Variants in TNIP3 observed in about 807,000 individuals in gnomAD.
TNIP3 encodes the protein TNFAIP3-interacting protein 3.
A neutral mutation model predicts 54.1 loss-of-function variants in TNIP3; 34 were observed. The ratio of observed to expected loss-of-function variants is 0.63; its 90% CI spans 0.48 to 0.84. TNIP3 has a LOEUF of 0.84. Ranked by LOEUF, TNIP3 falls within the 40% of genes least tolerant of loss-of-function variation. TNIP3 has a pLI of 0.00. For synonymous variants in TNIP3, 134 were observed against 136.8 expected, an observed-to-expected ratio of 0.98 and a Z score of 0.14; for missense variants, 366 against 387.6, an observed-to-expected ratio of 0.94 and a Z score of 0.47.
chr4:121,174,421 A>ATAC (rs915762543), intron 3 of TNIP3, among the ~76,000 whole-genome samples: 43 of 151,986 alleles, frequency 2.8e-4, no homozygotes, highest in African/African-American at 9.9e-4. Context: ...AATAATAATA[A>ATAC]TAAACAAAAT....
intron 1 of TNIP3, among the ~76,000 whole-genome samples, chr4:121,225,056 A>T (rs1401114398): frequency 6.6e-6 from 1 of 152,226 alleles, no homozygotes; most frequent in Admixed American, 6.5e-5. Context: ...GAAAGGGATC[A>T]TTTGCCTTCA....
chr4:121,206,549 T>TGTGTGTGTGTGTGTGA (rs61344205), intron 2 of TNIP3, among the ~76,000 whole-genome samples: 7 of 151,888 alleles, frequency 4.6e-5, no homozygotes, highest in Non-Finnish European at 8.8e-5. Context: ...TGTGTGTGTG[T>TGTGTGTGTGTGTGTGA]TTTATCTTTT....
At chr4:121,139,033 C>T (rs1728955486) in intron 9 of TNIP3, among the ~76,000 whole-genome samples, 1 of 152,140 alleles carries the variant, frequency 6.6e-6, no homozygotes, top group Admixed American at 6.5e-5. Context: ...TTAGCATCAA[C>T]AAATACTCTT....
intron 2 of TNIP3, among the ~76,000 whole-genome samples, chr4:121,202,164 A>G (rs1287896519): frequency 1.3e-5 from 2 of 152,204 alleles, no homozygotes; most frequent in African/African-American, 2.4e-5. Flanking sequence ...AAACTACACT[A>G]TAAGGCCATA....
At chr4:121,217,287 A>G (rs1726838488), upstream of TNIP3, among the ~76,000 whole-genome samples, 3 of 152,146 alleles carry the variant, frequency 2.0e-5, no homozygotes, top group South Asian at 6.2e-4. Flanking sequence ...CCCATCAGAA[A>G]ATTTAGGAGT....
intron 7 of TNIP3, among the ~76,000 whole-genome samples, chr4:121,144,351 C>T (rs994978098): frequency 6.6e-6 from 1 of 152,064 alleles, no homozygotes; most frequent in South Asian, 2.1e-4. Flanking sequence ...TATAAAATAC[C>T]TCTGAGCCAT....
chr4:121,169,839 T>C (rs1730972457), intron 3 of TNIP3, among the ~76,000 whole-genome samples: 2 of 152,238 alleles, frequency 1.3e-5, no homozygotes, highest in African/African-American at 2.4e-5. Flanking sequence ...TCCCGCCTGG[T>C]TGGAACTCTG....
rs573261547 is a variant in TNIP3 at position 121,216,081 on chromosome 4, T to C, written c.68+334A>G. Among the ~76,000 whole-genome samples, 23 of 152,258 alleles carry C rather than the reference T, an allele frequency of 1.5e-4. No homozygotes were observed. The South Asian group carries it at 4.8e-3, about 32-fold the overall frequency. ...AGATACAGCAACTCCTTCAACTTAC[T>C]GGTGGAATACAGTTGTTTCCTAGGA... On this transcript the variant is annotated intron_variant, in intron 2 of 12. Transcript: ENST00000507879.
At chr4:121,196,557 A>T (rs895961790) in intron 2 of TNIP3, among the ~76,000 whole-genome samples, 3 of 151,862 alleles carry the variant, frequency 2.0e-5, no homozygotes, top group Non-Finnish European at 4.4e-5. Context: ...AATTTGTCAC[A>T]TTTTTTTTAA....
chr4:121,183,892 G>A (rs112754359), intron 2 of TNIP3, among the ~76,000 whole-genome samples: 124 of 152,024 alleles, frequency 8.2e-4, no homozygotes, highest in African/African-American at 2.9e-3. Context: ...GGTGAGTTAT[G>A]TAATTATTTC....
At position 121,176,205 on chromosome 4, in the gene TNIP3, A is replaced by T. The variant is rs144680254; in HGVS notation, c.189+6471T>A. ...GAAAGATGCATGGCTCATTTAAATA[A>T]CTTCACCCATGTTGCCAGTAATGAG... On this transcript the variant is annotated intron_variant, in intron 3 of 12. Coordinates refer to the TNIP3 transcript ENST00000507879. Among the ~76,000 whole-genome samples, 373 of 152,340 alleles carry T rather than the reference A, an allele frequency of 2.4e-3. 1 individual carries two copies. Among genetic ancestry groups the T allele is most frequent in the African/African-American group, 8.5e-3 (352 of 41,580 alleles).
At chr4:121,186,769 T>C (rs1725045130) in intron 2 of TNIP3, among the ~76,000 whole-genome samples, 1 of 152,276 alleles carries the variant, frequency 6.6e-6, no homozygotes, top group Non-Finnish European at 1.5e-5. Flanking sequence ...ATAAATTTAG[T>C]ATACCACCAT....
At chr4:121,148,516 G>GT (rs1477037148) in intron 6 of TNIP3, among the ~76,000 whole-genome samples, 1 of 152,182 alleles carries the variant, frequency 6.6e-6, no homozygotes, top group African/African-American at 2.4e-5. Context: ...AGTGCTTTTG[G>GT]TTTTTGAAGA....
intron 9 of TNIP3, among the ~76,000 whole-genome samples, chr4:121,140,776 A>C (rs941965743): frequency 1.3e-5 from 2 of 152,178 alleles, no homozygotes; most frequent in Non-Finnish European, 2.9e-5. Flanking sequence ...AAAAAAAAGG[A>C]AAAGGGGGAG....
intron 2 of TNIP3, among the ~76,000 whole-genome samples, chr4:121,191,585 T>C (rs749038042): frequency 2.0e-5 from 3 of 152,230 alleles, no homozygotes; most frequent in Non-Finnish European, 4.4e-5. Flanking sequence ...TAGTTGTCCT[T>C]TAACTTATCA....
At chr4:121,141,340 G>C (rs1156735941) in intron 9 of TNIP3, among the ~76,000 whole-genome samples, 1 of 152,154 alleles carries the variant, frequency 6.6e-6, no homozygotes, top group East Asian at 1.9e-4. Flanking sequence ...CAACTTAAGT[G>C]GGTCACTTTT....
At chr4:121,222,240 C>T (rs1727062036) in intron 1 of TNIP3, among the ~76,000 whole-genome samples, 1 of 152,196 alleles carries the variant, frequency 6.6e-6, no homozygotes, top group African/African-American at 2.4e-5. Flanking sequence ...TTCCTTCATT[C>T]TGCAGAAAAA....
rs191089845 is a variant in TNIP3 at position 121,156,791 on chromosome 4, C to T, written c.363+303G>A. Reference sequence around the variant, plus strand: ...AAAAAATTTCTCCTAGGCTGAAATGCCCTAGAGAGTTAGCAAATTTATGGA... The same window carrying T: ...AAAAAATTTCTCCTAGGCTGAAATGTCCTAGAGAGTTAGCAAATTTATGGA... On this transcript the variant is annotated intron_variant, in intron 4 of 10. Transcript: ENST00000057513. Among the ~76,000 whole-genome samples the T allele has an allele frequency of 2.8e-3, 431 of 152,180 alleles. 3 individuals carry two copies. The highest frequency in any genetic ancestry group is 9.9e-3 in the African/African-American group (410 of 41,512).
chr4:121,202,576 AG>A (rs1362081517), intron 2 of TNIP3, among the ~76,000 whole-genome samples: 1 of 152,170 alleles, frequency 6.6e-6, no homozygotes, highest in Non-Finnish European at 1.5e-5. Context: ...AAAACAAGAT[AG>A]ATGGGATTTA....
Sources: gnomAD v4.1 joint callset for allele counts (sites outside exome capture counted in the v4.1 genomes callset) on GRCh38, gnomAD v4.1.1 for gene constraint, MANE v1.5 for transcripts, NCBI Gene and HGNC (gene_info 2026-07-23, HGNC 2026-07-21) for gene names.